The following PHF21A variants were observed in gnomAD, a reference collection of about 807,000 sequenced individuals.
PHF21A encodes BHC80a.
Under a neutral mutation model 82.5 loss-of-function variants are expected in PHF21A, and 11 were observed. The observed-to-expected ratio is 0.13, with a 90% CI of 0.08 to 0.22. The LOEUF (loss-of-function observed/expected upper bound fraction) is 0.22. Ranked by LOEUF, PHF21A falls within the 10% of genes least tolerant of loss-of-function variation. The pLI is 1.00. For synonymous variants in PHF21A, 297 were observed against 302.8 expected, an observed-to-expected ratio of 0.98 and a Z score of 0.20; for missense variants, 579 against 837.8, an observed-to-expected ratio of 0.69 and a Z score of 3.81.
intron 6 of PHF21A, among the ~76,000 whole-genome samples, chr11:46,000,351 T>C (rs928189249): frequency 6.6e-6 from 1 of 152,120 alleles, no homozygotes; most frequent in African/African-American, 2.4e-5. Flanking sequence ...CTACTGAGAG[T>C]TGCAGGATCT....
chr11:45,934,562 A>G, intron 18 of PHF21A: 1 of 258,930 alleles, frequency 3.9e-6, no homozygotes, highest in Non-Finnish European at 7.4e-6. Context: ...AAAAAAAAAA[A>G]AGTTCCCACA....
intron 3 of PHF21A, among the ~76,000 whole-genome samples, chr11:46,087,039 T>A (rs2096865256): frequency 6.6e-6 from 1 of 152,182 alleles, no homozygotes; most frequent in Admixed American, 6.5e-5. Context: ...ATAATAATAC[T>A]CTGAGCTGTC....
chr11:46,087,329 T>C (rs1399210236), intron 3 of PHF21A, among the ~76,000 whole-genome samples: 4 of 152,214 alleles, frequency 2.6e-5, no homozygotes, highest in Non-Finnish European at 5.9e-5. Context: ...CGCACAATAA[T>C]AAGCCTGCAA....
chr11:46,057,582 C>T (rs183943587), intron 6 of PHF21A, among the ~76,000 whole-genome samples: 25 of 152,200 alleles, frequency 1.6e-4, no homozygotes, highest in Admixed American at 5.9e-4. Context: ...GAGTTGGTAT[C>T]TCTTTTAAAA....
chr11:46,060,204 G>C (rs996286461), intron 6 of PHF21A, among the ~76,000 whole-genome samples: 1 of 152,034 alleles, frequency 6.6e-6, no homozygotes, highest in African/African-American at 2.4e-5. Context: ...TGCTACGTTG[G>C]CCTGGCTGGT....
intron 6 of PHF21A, among the ~76,000 whole-genome samples, chr11:45,989,872 A>G (rs990300458): frequency 2.1e-4 from 32 of 151,270 alleles, no homozygotes; most frequent in African/African-American, 7.5e-4. Context: ...GGTGGCATAC[A>G]CCGGCAGTAT....
chr11:46,005,117 G>A (rs907331478), intron 6 of PHF21A, among the ~76,000 whole-genome samples: 3 of 152,102 alleles, frequency 2.0e-5, no homozygotes, highest in South Asian at 2.1e-4. Context: ...AAGAGCAACC[G>A]CAGTCCAAAA....
chr11:46,116,863 G>C (rs1162838026), intron 1 of PHF21A: 1 of 152,772 alleles, frequency 6.5e-6, no homozygotes, highest in East Asian at 1.9e-4. Context: ...TACTCAGGAG[G>C]CTGAGAGGCA....
At chr11:46,085,175 C>T (rs1291229639) in intron 3 of PHF21A, among the ~76,000 whole-genome samples, 4 of 152,064 alleles carry the variant, frequency 2.6e-5, no homozygotes, top group Non-Finnish European at 4.4e-5. Context: ...CAGACAAATA[C>T]AATGCAATAT....
intron 2 of PHF21A, among the ~76,000 whole-genome samples, chr11:46,091,970 A>T (rs917303268): frequency 3.3e-5 from 5 of 152,206 alleles, no homozygotes; most frequent in African/African-American, 1.2e-4. Context: ...ACGGTGGAAC[A>T]TGCAGGCCTA....
chr11:46,031,281 G>A (rs2095861997), intron 6 of PHF21A, among the ~76,000 whole-genome samples: 1 of 152,086 alleles, frequency 6.6e-6, no homozygotes, highest in Non-Finnish European at 1.5e-5. Context: ...TTAGCCTTAA[G>A]CCACAATAAT....
intron 6 of PHF21A, among the ~76,000 whole-genome samples, chr11:45,992,541 C>T (rs987724271): frequency 6.6e-5 from 10 of 152,020 alleles, no homozygotes; most frequent in Non-Finnish European, 8.8e-5. Flanking sequence ...AGCGAGACTC[C>T]GTCTCAAAAA....
chr11:45,994,874 T>A (rs1196444728), intron 6 of PHF21A, among the ~76,000 whole-genome samples: 1 of 152,222 alleles, frequency 6.6e-6, no homozygotes, highest in Non-Finnish European at 1.5e-5. Flanking sequence ...AATGTCTCCC[T>A]GGTATTTCTC....
intron 6 of PHF21A, among the ~76,000 whole-genome samples, chr11:46,040,929 A>G (rs1393600675): frequency 1.6e-5 from 2 of 122,822 alleles, no homozygotes; most frequent in South Asian, 2.6e-4. Flanking sequence ...ACACACACAC[A>G]CACACGCACG....
chr11:46,071,685 C>T (rs911262139), intron 6 of PHF21A, among the ~76,000 whole-genome samples: 5 of 151,228 alleles, frequency 3.3e-5, no homozygotes, highest in African/African-American at 7.3e-5. Flanking sequence ...GAGAGAAACA[C>T]GCATTCATAT....
chr11:46,074,179 T>C (rs1419758956), intron 6 of PHF21A, among the ~76,000 whole-genome samples: 2 of 150,682 alleles, frequency 1.3e-5, no homozygotes, highest in African/African-American at 4.9e-5. Context: ...GAAGAGAATA[T>C]ATGAGTCCAT....
intron 15 of PHF21A, among the ~76,000 whole-genome samples, chr11:45,942,016 T>C (rs147855198): frequency 2.0e-5 from 3 of 152,334 alleles, no homozygotes; most frequent in African/African-American, 4.8e-5. Flanking sequence ...TCAAGTGTTA[T>C]TGTTTAATTA....
At chr11:45,944,014 A>C (rs1291535809) in intron 15 of PHF21A, among the ~76,000 whole-genome samples, 2 of 152,258 alleles carry the variant, frequency 1.3e-5, no homozygotes, top group African/African-American at 4.8e-5. Context: ...AAACTCTTCC[A>C]AAATAAAGGA....
At chr11:46,120,539 T>G (rs1852933682) in intron 1 of PHF21A, 1 of 150,886 alleles carries the variant, frequency 6.6e-6, no homozygotes, top group Middle Eastern at 3.4e-3. Context: ...TTCCAATTTA[T>G]CCTGGGGAGG....
Sources: allele counts gnomAD v4.1 joint callset (sites outside exome capture counted in the v4.1 genomes callset), GRCh38; gene constraint gnomAD v4.1.1; transcripts MANE v1.5; gene names NCBI Gene and HGNC (gene_info 2026-07-23, HGNC 2026-07-21).